The following RAD51B variants were observed in gnomAD, a reference collection of about 807,000 sequenced individuals.
The protein encoded by RAD51B is RAD51 paralog B.
Under a neutral mutation model 42.2 loss-of-function variants are expected in RAD51B, and 38 were observed. That is an observed-to-expected ratio of 0.90 (90% confidence interval 0.70 to 1.18). RAD51B has a LOEUF of 1.18. Among genes scored for constraint, RAD51B ranks in the 50% most tolerant of loss-of-function variants. RAD51B has a pLI of 0.00. For synonymous variants in RAD51B, 154 were observed against 145.2 expected (o/e 1.06, Z -0.43); for missense variants, 373 against 400.7 (o/e 0.93, Z 0.59).
At chr14:68,223,496 A>G (rs1437380841) in intron 7 of RAD51B, among the ~76,000 whole-genome samples, 3 of 152,272 alleles carry the variant, frequency 2.0e-5, no homozygotes, top group African/African-American at 7.2e-5. Context: ...CTCTCAGTTT[A>G]TTTGTGAGAT....
chr14:68,052,629 T>G (rs920663447), intron 7 of RAD51B, among the ~76,000 whole-genome samples: 1 of 81,356 alleles, frequency 1.2e-5, no homozygotes, highest in Non-Finnish European at 2.3e-5. Flanking sequence ...CTTCTTCTTC[T>G]TTTTTTTTTT....
chr14:67,846,453 C>T (rs1458319180), intron 4 of RAD51B, among the ~76,000 whole-genome samples: 1 of 152,116 alleles, frequency 6.6e-6, no homozygotes, highest in African/African-American at 2.4e-5. Context: ...TGAGGTCTAC[C>T]CACACGTGTG....
intron 8 of RAD51B, among the ~76,000 whole-genome samples, chr14:68,409,468 A>G (rs2084363524): frequency 6.6e-6 from 1 of 152,240 alleles, no homozygotes; most frequent in African/African-American, 2.4e-5. Flanking sequence ...AAATGTGGTC[A>G]TGCCCCACTC....
rs116511801 is a variant in RAD51B at position 68,605,160 on chromosome 14, T to C, written c.1037-5846T>C. ...TAACAGAAATGCACTCTTTCACATT[T>C]CTGGATCCGAGAAGTCCAAAATCAA... On this transcript the variant is annotated intron_variant, in intron 10 of 10. Coordinates refer to the RAD51B transcript ENST00000487861. Among the ~76,000 whole-genome samples the C allele has an allele frequency of 7.3e-3, 1,117 of 152,278 alleles. 15 individuals carry two copies. Among genetic ancestry groups the C allele is most frequent in the African/African-American group, 0.026 (1,077 of 41,550 alleles).
chr14:68,184,092 CAAAAAAA>C (rs148664784), intron 7 of RAD51B, among the ~76,000 whole-genome samples: 1 of 113,292 alleles, frequency 8.8e-6, no homozygotes, highest in Non-Finnish European at 1.8e-5. Context: ...GACTCCATCT[CAAAAAAA>C]AAAAAAAAAA....
At chr14:68,342,662 G>A (rs76574573) in intron 8 of RAD51B, among the ~76,000 whole-genome samples, 1 of 152,126 alleles carries the variant, frequency 6.6e-6, no homozygotes, top group East Asian at 1.9e-4. Flanking sequence ...ATAAAGTGAA[G>A]CCCATCAAGT....
At chr14:68,211,947 CTG>C (rs2140946097) in intron 7 of RAD51B, among the ~76,000 whole-genome samples, 1 of 152,328 alleles carries the variant, frequency 6.6e-6, no homozygotes, top group African/African-American at 2.4e-5. Flanking sequence ...CAGTTTGCCT[CTG>C]TAAGTAGAAC....
chr14:68,574,923 A>C (rs2140047379), intron 10 of RAD51B, among the ~76,000 whole-genome samples: 1 of 152,282 alleles, frequency 6.6e-6, no homozygotes, highest in Non-Finnish European at 1.5e-5. Flanking sequence ...CCCAGGAGCA[A>C]GAGAGGTTGG....
At chr14:68,229,245 T>C (rs563304743) in intron 7 of RAD51B, among the ~76,000 whole-genome samples, 35 of 152,314 alleles carry the variant, frequency 2.3e-4, no homozygotes, top group African/African-American at 7.7e-4. Context: ...TGACCTGTAG[T>C]CATCTCACTG....
chr14:68,112,253 A>G (rs759783490), intron 7 of RAD51B, among the ~76,000 whole-genome samples: 2 of 151,926 alleles, frequency 1.3e-5, no homozygotes, highest in Non-Finnish European at 2.9e-5. Flanking sequence ...TTGAATTTTT[A>G]TGTTTTCAGC....
At chr14:68,627,807 CTTCT>C (rs1319914111) in intron 10 of RAD51B, among the ~76,000 whole-genome samples, 1 of 152,222 alleles carries the variant, frequency 6.6e-6, no homozygotes. Context: ...CTAATTTCCT[CTTCT>C]TTCTTTCTTC....
intron 7 of RAD51B, among the ~76,000 whole-genome samples, chr14:68,283,230 A>T (rs1403803773): frequency 6.6e-6 from 1 of 152,172 alleles, no homozygotes; most frequent in Non-Finnish European, 1.5e-5. Flanking sequence ...ACACCTAAAA[A>T]GGTCAGCAGA....
At chr14:68,339,318 C>T in intron 8 of RAD51B, 1 of 934,880 alleles carries the variant, frequency 1.1e-6, no homozygotes. Context: ...CATCCACTTA[C>T]AGAGGATGGC....
chr14:67,903,081 C>T (rs976975714), intron 7 of RAD51B, among the ~76,000 whole-genome samples: 2 of 152,108 alleles, frequency 1.3e-5, no homozygotes, highest in Admixed American at 1.3e-4. Flanking sequence ...TGGTTTTAAA[C>T]TCCTGACCTC....
chr14:68,661,011 G>A (rs985328062), intron 11 of RAD51B, among the ~76,000 whole-genome samples: 31 of 152,210 alleles, frequency 2.0e-4, no homozygotes, highest in Admixed American at 4.6e-4. Flanking sequence ...AGCCTTCAGG[G>A]GAAAGTCAGT....
chr14:67,842,717 A>G (rs1343549750), intron 4 of RAD51B, among the ~76,000 whole-genome samples: 2 of 152,114 alleles, frequency 1.3e-5, no homozygotes, highest in East Asian at 1.9e-4. Flanking sequence ...TTCCTGTACT[A>G]TGTTGAATAG....
intron 7 of RAD51B, among the ~76,000 whole-genome samples, chr14:67,924,792 T>A (rs1226414250): frequency 6.6e-6 from 1 of 152,142 alleles, no homozygotes; most frequent in Non-Finnish European, 1.5e-5. Flanking sequence ...AAATCTCATA[T>A]CCTCACATTT....
chr14:68,044,921 G>A (rs907713278), intron 7 of RAD51B, among the ~76,000 whole-genome samples: 3 of 152,086 alleles, frequency 2.0e-5, no homozygotes, highest in African/African-American at 4.8e-5. Flanking sequence ...CATCCCATGA[G>A]TCTGATGCTA....
intron 7 of RAD51B, among the ~76,000 whole-genome samples, chr14:68,145,459 A>G (rs2078229436): frequency 6.6e-6 from 1 of 152,188 alleles, no homozygotes; most frequent in East Asian, 1.9e-4. Flanking sequence ...CTTTATGGTT[A>G]TTGTGGGTAT....
Sources: gnomAD v4.1 joint callset for allele counts (sites outside exome capture counted in the v4.1 genomes callset) on GRCh38, gnomAD v4.1.1 for gene constraint, MANE v1.5 for transcripts, NCBI Gene and HGNC (gene_info 2026-07-23, HGNC 2026-07-21) for gene names.